COL4A6: variants seen among roughly 807,000 people sequenced by gnomAD.
COL4A6 encodes the protein collagen alpha-6(IV) chain.
COL4A6 carries 59 observed loss-of-function variants against 126.7 expected under a neutral mutation model. The ratio of observed to expected loss-of-function variants is 0.47; its 90% CI spans 0.38 to 0.58. The LOEUF (loss-of-function observed/expected upper bound fraction) is 0.58. Among genes scored for constraint, COL4A6 ranks in the 20% least tolerant of loss-of-function variants. The probability of loss-of-function intolerance (pLI) is 0.00; values close to 1 mark genes in which losing one functional copy is unlikely to be tolerated. For missense variants in COL4A6, 1,285 were observed against 1,337.3 expected, an observed-to-expected ratio of 0.96 and a Z score of 0.61; for synonymous variants, 547 against 496.6, an observed-to-expected ratio of 1.10 and a Z score of -1.35.
chrX:108,160,674 A>C lies in COL4A6; in HGVS notation c.4334-20T>G. On this transcript the variant is annotated intron_variant, in intron 42 of 44. Coordinates refer to ENST00000334504, the MANE Select transcript of COL4A6 (RefSeq NM_033641.4). ...GAGCTCCTGAGAGAGACAGATCATA[A>C]AAGGTGAGTGTGGTGCAGCTAATGA... 1 of 1,181,598 alleles carries C rather than the reference A, an allele frequency of 8.5e-7. No homozygotes were observed.
In COL4A6 at chrX:108,172,549, G is replaced by C; in HGVS notation, c.3139-17C>G. ...TTGTGAACCCTTCGAAGCAATATGG[G>C]AATCATCATTTCTGCCCAGAGCTCA... On this transcript the variant is annotated splice_polypyrimidine_tract_variant and intron_variant, in intron 31 of 44. Coordinates refer to ENST00000334504, the MANE Select transcript of COL4A6 (RefSeq NM_033641.4). 2 of 1,184,575 alleles carry C rather than the reference G, an allele frequency of 1.7e-6. No homozygotes were observed. The highest frequency in any genetic ancestry group is 2.3e-6 in the Non-Finnish European group (2 of 876,781).
chrX:108,191,625 G>C (rs1215401823), intron 18 of COL4A6, 92 bp from the exon 19 acceptor site: 8 of 1,046,804 alleles, frequency 7.6e-6, no homozygotes, highest in Non-Finnish European at 1.0e-5. Context: ...ACAAATCCAA[G>C]GAAGAATTTA....
At chrX:108,158,716 A>C (rs962384998) in intron 44 of COL4A6, among the ~76,000 whole-genome samples, 12 of 112,132 alleles carry the variant, frequency 1.1e-4, no homozygotes, top group Non-Finnish European at 1.9e-5. Context: ...ACACTCTCTC[A>C]CCATCTCACC....
At chrX:108,218,047 G>A (rs2035911202) in intron 5 of COL4A6, among the ~76,000 whole-genome samples, 1 of 111,906 alleles carries the variant, frequency 8.9e-6, no homozygotes, top group Admixed American at 9.4e-5. Context: ...GGGCTCTCTT[G>A]GCCACAGGTT....
rs1237482026 is a variant in COL4A6 at position 108,438,420 on chromosome X, GAT to G, written c.-226_-225del. ...CCGTTACAACTTGCAGCACTCAGGA[GAT>G]AGTTCCATGCAGCAGGAGAGGAAAG... On this transcript the variant is annotated 5_prime_UTR_variant, in exon 1 of 45. Coordinates refer to ENST00000334504, the MANE Select transcript of COL4A6 (RefSeq NM_033641.4). 9.7e-7 allele frequency: 1 copy of G among 1,026,454 alleles called. No homozygotes were observed. The highest frequency in any genetic ancestry group is 1.2e-6 in the Non-Finnish European group (1 of 809,861). The allele number at this position is 1,026,454 out of a possible 1,213,427, so 84.6% of individuals were successfully genotyped here.
chrX:108,370,871 T>C (rs888450517), intron 2 of COL4A6, among the ~76,000 whole-genome samples: 1 of 111,475 alleles, frequency 9.0e-6, no homozygotes, highest in Admixed American at 9.6e-5. Flanking sequence ...CACATATTAA[T>C]GTGTCTTCAA....
chrX:108,320,735 T>C, intron 2 of COL4A6, among the ~76,000 whole-genome samples: 1 of 112,298 alleles, frequency 8.9e-6, no homozygotes, highest in South Asian at 3.7e-4. Flanking sequence ...TAAATGGTTG[T>C]TGAAATGGCT....
At chrX:108,316,700 T>C (rs778406237) in intron 2 of COL4A6, among the ~76,000 whole-genome samples, 1 of 112,110 alleles carries the variant, frequency 8.9e-6, no homozygotes, top group Non-Finnish European at 1.9e-5. Context: ...CACATAATGT[T>C]TCAGAAACAC....
At chrX:108,213,072 G>A (rs2035756700) in intron 6 of COL4A6, among the ~76,000 whole-genome samples, 1 of 111,291 alleles carries the variant, frequency 9.0e-6, no homozygotes, top group African/African-American at 3.3e-5. Context: ...TTGGTCCTTA[G>A]GTGTCAAAGT....
intron 3 of COL4A6, among the ~76,000 whole-genome samples, chrX:108,257,274 G>A (rs901976975): frequency 5.4e-5 from 6 of 111,756 alleles, no homozygotes; most frequent in Non-Finnish European, 1.1e-4. Context: ...TTAAGTTAGA[G>A]TAGCAGCTGG....
At chrX:108,218,973 A>G (rs1036176777) in intron 5 of COL4A6, among the ~76,000 whole-genome samples, 1 of 112,638 alleles carries the variant, frequency 8.9e-6, no homozygotes. Context: ...AACTAAAAAA[A>G]GATAGCCAGT....
chrX:108,294,434 T>C (rs1441528660), intron 3 of COL4A6, among the ~76,000 whole-genome samples: 1 of 103,820 alleles, frequency 9.6e-6, no homozygotes, highest in East Asian at 3.1e-4. Context: ...TGTGTGTGTA[T>C]GTGGTGTAGG....
chrX:108,279,288 A>G (rs1407495228), intron 3 of COL4A6, among the ~76,000 whole-genome samples: 2 of 111,114 alleles, frequency 1.8e-5, no homozygotes, highest in African/African-American at 6.6e-5. Context: ...AAATAAAAGG[A>G]TGGAGGAAGA....
chrX:108,414,962 C>T (rs181856107), intron 2 of COL4A6, among the ~76,000 whole-genome samples: 1 of 111,476 alleles, frequency 9.0e-6, no homozygotes, highest in African/African-American at 3.3e-5. Context: ...TTAATGGAGG[C>T]CAGAGCAGTC....
chrX:108,165,162 G>T, intron 38 of COL4A6, 124 bp from the exon 39 acceptor site: 1 of 849,240 alleles, frequency 1.2e-6, no homozygotes, highest in Non-Finnish European at 1.7e-6. Context: ...CTCACCATCG[G>T]TGGGGTCCTA....
At chrX:108,405,232 T>G (rs2041181281) in intron 2 of COL4A6, among the ~76,000 whole-genome samples, 1 of 109,752 alleles carries the variant, frequency 9.1e-6, no homozygotes, top group African/African-American at 3.3e-5. Flanking sequence ...GAGTTCTCCC[T>G]CTTTCCCCCA....
At chrX:108,310,416 T>A (rs1229893576) in intron 3 of COL4A6, among the ~76,000 whole-genome samples, 1 of 111,875 alleles carries the variant, frequency 8.9e-6, no homozygotes, top group Non-Finnish European at 1.9e-5. Context: ...GAGGGAAGAA[T>A]CAAGTGAGCT....
rs1470406487 is a variant in COL4A6 at position 108,155,971 on chromosome X, A to C, written c.*1029T>G. 1.8e-5 allele frequency: 2 copies of C among 112,405 alleles called. No homozygotes were observed. Among genetic ancestry groups the C allele is most frequent in the Non-Finnish European group, 3.8e-5 (2 of 53,307 alleles). 9.3% of individuals were successfully genotyped at this position (112,405 alleles called of 1,213,427 possible). A position where few individuals can be genotyped will look rare whatever the true frequency, so the allele number is the denominator to read the frequency against. On this transcript the variant is annotated 3_prime_UTR_variant, in exon 45 of 45. Coordinates refer to ENST00000334504, the MANE Select transcript of COL4A6 (RefSeq NM_033641.4). Reference sequence around the variant, plus strand: ...ACATATTAAAATAGTTTAATAGGCTACCTGTGAAAGAGCAATTGGATAACC... The same window carrying C: ...ACATATTAAAATAGTTTAATAGGCTCCCTGTGAAAGAGCAATTGGATAACC...
Position 108,203,702 on chromosome X carries a change from C to T in COL4A6, c.780+618G>A, listed in dbSNP as rs764351545. On this transcript the variant is annotated intron_variant, in intron 12 of 44. Coordinates refer to ENST00000334504, the MANE Select transcript of COL4A6 (RefSeq NM_033641.4). The stretch of plus-strand genomic sequence containing the variant: ...GATATCTGCACACCTTAACAGTACA[C>T]GGCCATTCAATTACAACCATGTAGG... Among the ~76,000 whole-genome samples, 33 of 112,580 alleles carry T rather than the reference C, an allele frequency of 2.9e-4. 1 individual carries two copies. Among genetic ancestry groups the T allele is most frequent in the South Asian group, 7.3e-4 (2 of 2,736 alleles).
Sources: gnomAD v4.1 joint callset for allele counts (sites outside exome capture counted in the v4.1 genomes callset) on GRCh38, gnomAD v4.1.1 for gene constraint, MANE v1.5 for transcripts, NCBI Gene and HGNC (gene_info 2026-07-23, HGNC 2026-07-21) for gene names.